Variants in COBLL1 observed in about 807,000 individuals in gnomAD.
COBLL1 encodes the protein cordon-bleu WH2 repeat protein like 1.
COBLL1 carries 50 observed loss-of-function variants against 94.8 expected under a neutral mutation model. The observed-to-expected ratio is 0.53, with a 90% confidence interval of 0.42 to 0.67. The LOEUF is 0.67. Among genes scored for constraint, COBLL1 ranks in the 30% least tolerant of loss-of-function variants. COBLL1 has a pLI of 0.00. For missense variants in COBLL1, 1,362 were observed against 1,348.7 expected (o/e 1.01, Z -0.15); for synonymous variants, 448 against 473.8 (o/e 0.95, Z 0.71).
chr2:164,810,734 T>TA (rs1323720339), intron 2 of COBLL1, among the ~76,000 whole-genome samples: 1 of 151,446 alleles, frequency 6.6e-6, no homozygotes, highest in Admixed American at 6.6e-5. Context: ...GTGGAAGCTT[T>TA]AAAAAAAACT....
rs1169357787 is a variant in COBLL1, at chr2:164,695,109, C to A, written c.2283G>T (p.Met761Ile). 1 of 1,613,886 alleles carries A rather than the reference C, an allele frequency of 6.2e-7. No homozygotes were observed. The highest frequency in any genetic ancestry group is 8.5e-7 in the Non-Finnish European group (1 of 1,179,950). Reference protein sequence around the residue: ...ETIEYKDDQDMHALGKKHTHE... With the variant: ...ETIEYKDDQDIHALGKKHTHE... ...GAGTGTGCTTTTTCCCTAAAGCATGCATGTCCTGATCATCTTTATACTCTA... is the reference window on the plus strand; with the variant it reads ...GAGTGTGCTTTTTCCCTAAAGCATGAATGTCCTGATCATCTTTATACTCTA... Residue 761 changes from methionine (M) to isoleucine (I), a missense_variant, in exon 12 of 14, where the codon ATG (methionine) becomes ATT (isoleucine). Coordinates refer to ENST00000652658, the MANE Select transcript of COBLL1 (RefSeq NM_001365672.2).
chr2:164,803,040 C>T (rs1285708141), intron 2 of COBLL1, among the ~76,000 whole-genome samples: 1 of 152,106 alleles, frequency 6.6e-6, no homozygotes, highest in African/African-American at 2.4e-5. Context: ...GTTTTTATGA[C>T]AAGTATTTCC....
At chr2:164,731,814 G>A (rs1686030334) in intron 3 of COBLL1, among the ~76,000 whole-genome samples, 1 of 152,206 alleles carries the variant, frequency 6.6e-6, no homozygotes. Flanking sequence ...CCACCATTCA[G>A]TATGCTACTT....
At chr2:164,772,608 C>T (rs1421702451) in intron 2 of COBLL1, among the ~76,000 whole-genome samples, 3 of 151,980 alleles carry the variant, frequency 2.0e-5, no homozygotes, top group African/African-American at 7.2e-5. Flanking sequence ...ATACTTTATA[C>T]CACAAAACAA....
Position 164,732,276 on chromosome 2 carries a change from T to G in COBLL1, c.231-2161A>C, listed in dbSNP as rs1276393502. 2.6e-5 allele frequency among the ~76,000 whole-genome samples: 4 copies of G among 152,170 alleles called. No homozygotes were observed. In the East Asian group the frequency reaches 5.8e-4, roughly 22 times the overall value. ...TAGATGGTTGCATAATATTTAAGAGTTTTACATCCTTCTTTTGAGCCACAG... is the reference window on the plus strand; with the variant it reads ...TAGATGGTTGCATAATATTTAAGAGGTTTACATCCTTCTTTTGAGCCACAG... On this transcript the variant is annotated intron_variant, in intron 3 of 13. Coordinates refer to ENST00000652658, the MANE Select transcript of COBLL1 (RefSeq NM_001365672.2).
At chr2:164,742,717 T>A (rs1014816018) in intron 3 of COBLL1, among the ~76,000 whole-genome samples, 3 of 152,176 alleles carry the variant, frequency 2.0e-5, no homozygotes, top group African/African-American at 7.2e-5. Context: ...CTTTAAATAA[T>A]CTGTAAAGTT....
chr2:164,701,008 T>C (rs1684223434), intron 9 of COBLL1, among the ~76,000 whole-genome samples: 1 of 152,204 alleles, frequency 6.6e-6, no homozygotes, highest in Non-Finnish European at 1.5e-5. Flanking sequence ...AAGAGGTTAT[T>C]TAATCTCATA....
At chr2:164,802,954 A>G (rs923623579) in intron 2 of COBLL1, among the ~76,000 whole-genome samples, 9 of 152,318 alleles carry the variant, frequency 5.9e-5, no homozygotes, top group African/African-American at 2.2e-4. Flanking sequence ...TCAGTGCTAA[A>G]TGGTCTTTCT....
Position 164,756,090 on chromosome 2 carries a change from G to GGAGA in COBLL1, c.42-12219_42-12216dup, listed in dbSNP as rs138711663. Among the ~76,000 whole-genome samples the GGAGA allele has an allele frequency of 3.0e-3, 446 of 149,196 alleles. 1 individual carries two copies. The highest frequency in any genetic ancestry group is 0.01 in the African/African-American group (412 of 40,742). On this transcript the variant is annotated intron_variant, in intron 2 of 13. Transcript: ENST00000652658. ...GAGAGAGAATGAGGGAGGGAGGGAG[G>GGAGA]GAGAGAGAGAGAGAGAGCAAGAGTG...
intron 1 of COBLL1, chr2:164,665,998 T>C (rs1441844896): frequency 1.3e-5 from 2 of 152,200 alleles, no homozygotes; most frequent in Admixed American, 1.3e-4. Context: ...TAGAATAATA[T>C]TGAATGTTCC....
intron 7 of COBLL1, among the ~76,000 whole-genome samples, chr2:164,708,359 C>T (rs1361205728): frequency 1.3e-5 from 2 of 152,104 alleles, no homozygotes; most frequent in Non-Finnish European, 2.9e-5. Context: ...CTGGGGTAGG[C>T]ATGGGGGTGG....
At position 164,700,621 on chromosome 2, in the gene COBLL1, G is replaced by C; in HGVS notation, c.1361C>G (p.Thr454Arg). Residue 454 changes from threonine (T) to arginine (R), a missense_variant, in exon 10 of 14, where the codon ACA becomes AGA. By Grantham distance (71) the Thr-to-Arg change is moderately conservative (BLOSUM62 -1). Coordinates refer to ENST00000652658, the MANE Select transcript of COBLL1 (RefSeq NM_001365672.2). ...GGCTGAGTCAGGATCATTTTTCAGT[G>C]TATTTATTATATCAGTAGATACAAA... Reference protein sequence around the residue: ...IPFVSTDIINTLKNDPDSALG... With the variant: ...IPFVSTDIINRLKNDPDSALG... 6.2e-7 allele frequency: 1 copy of C among 1,613,330 alleles called. No homozygotes were observed. Among genetic ancestry groups the C allele is most frequent in the Non-Finnish European group, 8.5e-7 (1 of 1,179,464 alleles).
chr2:164,670,585 C>T lies in COBLL1; in HGVS notation n.127-4684G>A, dbSNP rs964246608. On this transcript the variant is annotated intron_variant and non_coding_transcript_variant, in intron 1 of 2. Transcript: ENST00000495084. ...TAAAAATGAATACAGTGTTTTAGAACCTGAATTCCATCTACTTTTAATTAG... is the reference window on the plus strand; with the variant it reads ...TAAAAATGAATACAGTGTTTTAGAATCTGAATTCCATCTACTTTTAATTAG... 2.6e-5 allele frequency among the ~76,000 whole-genome samples: 4 copies of T among 152,292 alleles called. No homozygotes were observed. In the South Asian group the frequency reaches 8.3e-4, roughly 32 times the overall value.
At chr2:164,742,578 G>A (rs1686656815) in intron 3 of COBLL1, among the ~76,000 whole-genome samples, 1 of 151,788 alleles carries the variant, frequency 6.6e-6, no homozygotes, top group African/African-American at 2.4e-5. Flanking sequence ...TCATAAATAG[G>A]GTTCAATGTG....
At chr2:164,760,430 T>G (rs148736583) in intron 2 of COBLL1, among the ~76,000 whole-genome samples, 5 of 152,264 alleles carry the variant, frequency 3.3e-5, no homozygotes, top group African/African-American at 1.2e-4. Context: ...GGAGTTTCTT[T>G]GTGGTGGTGA....
At chr2:164,732,726 CA>C (rs2105527512) in intron 3 of COBLL1, among the ~76,000 whole-genome samples, 1 of 152,274 alleles carries the variant, frequency 6.6e-6, no homozygotes, top group African/African-American at 2.4e-5. Context: ...CTTAAATATA[CA>C]GTTTTTTTGA....
intron 13 of COBLL1, among the ~76,000 whole-genome samples, chr2:164,691,082 T>C (rs1361136701): frequency 6.6e-6 from 1 of 152,136 alleles, no homozygotes; most frequent in African/African-American, 2.4e-5. Context: ...TTCCCTCCTG[T>C]TTCCTCCACT....
chr2:164,715,701 A>T (rs1004619617), intron 7 of COBLL1, among the ~76,000 whole-genome samples: 1 of 151,972 alleles, frequency 6.6e-6, no homozygotes, highest in Non-Finnish European at 1.5e-5. Context: ...TAAAACTAAC[A>T]CTCTAGGTAT....
At chr2:164,794,816 T>C (rs569078801) in intron 2 of COBLL1, among the ~76,000 whole-genome samples, 1 of 152,346 alleles carries the variant, frequency 6.6e-6, no homozygotes, top group African/African-American at 2.4e-5. Flanking sequence ...GCCTTCATGT[T>C]CTTCTATTAA....
Sources: allele counts gnomAD v4.1 joint callset (sites outside exome capture counted in the v4.1 genomes callset), GRCh38; gene constraint gnomAD v4.1.1; transcripts MANE v1.5; gene names NCBI Gene and HGNC (gene_info 2026-07-23, HGNC 2026-07-21).